The following DSCAML1 variants were observed in gnomAD, a reference collection of about 807,000 sequenced individuals.
The protein encoded by DSCAML1 is cell adhesion molecule DSCAML1.
Under a neutral mutation model 200.5 loss-of-function variants are expected in DSCAML1, and 38 were observed. That is an observed-to-expected ratio of 0.19 (90% CI 0.15 to 0.25). The LOEUF (loss-of-function observed/expected upper bound fraction) is 0.25. DSCAML1 is among the 10% of genes least tolerant of loss of function. DSCAML1 has a pLI of 1.00. For missense variants in DSCAML1, 2,223 were observed against 2,858.8 expected, an observed-to-expected ratio of 0.78 and a Z score of 5.07; for synonymous variants, 1,215 against 1,165.0, an observed-to-expected ratio of 1.04 and a Z score of -0.87.
At position 117,630,481 on chromosome 11, in the gene DSCAML1, TGAGG is replaced by T. The variant is rs2052147412; in HGVS notation, c.512-97963_512-97960del. ...AGCAGAGGGAGACAGCCCACCCTGC[TGAGG>T]GAGGACCTGGCGGGCCTGTCTCTCT... On this transcript the variant is annotated intron_variant, in intron 3 of 32. Transcript: ENST00000651296. 2.6e-5 allele frequency among the ~76,000 whole-genome samples: 4 copies of T among 151,934 alleles called. No homozygotes were observed. In the South Asian group the frequency reaches 8.3e-4, roughly 32 times the overall value.
intron 11 of DSCAML1, among the ~76,000 whole-genome samples, chr11:117,484,891 G>T (rs186929118): frequency 5.8e-4 from 9 of 15,526 alleles, no homozygotes; most frequent in Non-Finnish European, 9.8e-4. Context: ...GGAACAGTGT[G>T]TGTGTGTGTG....
chr11:117,665,168 G>T lies in DSCAML1; in HGVS notation c.511+111623C>A, dbSNP rs555068547. On this transcript the variant is annotated intron_variant, in intron 3 of 32. Transcript: ENST00000651296. ...CTCTGACCTATGGCTTTTCACAGTTGTGATGCCTTGTTCATGTGGGCCCAG... is the reference window on the plus strand; with the variant it reads ...CTCTGACCTATGGCTTTTCACAGTTTTGATGCCTTGTTCATGTGGGCCCAG... Among the ~76,000 whole-genome samples, 22 of 152,288 alleles carry T rather than the reference G, an allele frequency of 1.4e-4. No homozygotes were observed. In the South Asian group the frequency reaches 4.1e-3, roughly 29 times the overall value.
At chr11:117,506,932 T>C (rs2049511133) in intron 8 of DSCAML1, among the ~76,000 whole-genome samples, 1 of 152,124 alleles carries the variant, frequency 6.6e-6, no homozygotes, top group Non-Finnish European at 1.5e-5. Flanking sequence ...GGACAACCAG[T>C]TGGTTAGATG....
chr11:117,603,379 C>T (rs1017572629), intron 3 of DSCAML1, among the ~76,000 whole-genome samples: 6 of 152,144 alleles, frequency 3.9e-5, no homozygotes, highest in African/African-American at 9.7e-5. Context: ...CACATGGTGG[C>T]GAAGAGCTCT....
chr11:117,461,965 A>T (rs939315086), intron 17 of DSCAML1, among the ~76,000 whole-genome samples: 4 of 152,178 alleles, frequency 2.6e-5, no homozygotes, highest in Non-Finnish European at 4.4e-5. Context: ...TGAACATGAC[A>T]GACCTGGAAG....
intron 30 of DSCAML1, 69 bp downstream of exon 30, chr11:117,432,283 C>T (rs767537436): frequency 4.0e-6 from 6 of 1,488,822 alleles, no homozygotes; most frequent in Non-Finnish European, 5.4e-6. Context: ...AAAACACCAC[C>T]TCTGTGTCAT....
At chr11:117,471,734 A>G in intron 15 of DSCAML1, 135 bp downstream of exon 15, 1 of 798,988 alleles carries the variant, frequency 1.3e-6, no homozygotes. Flanking sequence ...GTGGACACAA[A>G]CATCTGTTAG....
At chr11:117,450,349 C>A (rs923183671) in intron 20 of DSCAML1, among the ~76,000 whole-genome samples, 200 bp downstream of exon 20, 1 of 152,230 alleles carries the variant, frequency 6.6e-6, no homozygotes. Flanking sequence ...CTTGTGGCCT[C>A]TGGAACAGAG....
chr11:117,780,183 A>G lies in DSCAML1; in HGVS notation c.364+310T>C, dbSNP rs879452493. On this transcript the variant is annotated intron_variant, in intron 2 of 32. Transcript: ENST00000651296. This position sits in a 1 kb window ranked among gnomAD's most constrained non-coding sequence, Gnocchi z 4.8. ...AGAAAGAAAGAAAGAAAAAAAGAAA[A>G]AAAGAAAGAAAGAAAGAGAAAGAAA... Among the ~76,000 whole-genome samples, 3,865 of 108,460 alleles carry G rather than the reference A, an allele frequency of 0.036. 247 individuals are homozygous for G. Among genetic ancestry groups the G allele is most frequent in the Non-Finnish European group, 0.042 (2,121 of 50,920 alleles). The allele number at this position is 108,460 out of a possible 152,430, so 71.2% of individuals were successfully genotyped here. A position where few individuals can be genotyped will look rare whatever the true frequency, so the allele number is the denominator to read the frequency against.
chr11:117,631,831 G>C (rs887131840), intron 3 of DSCAML1, among the ~76,000 whole-genome samples: 12 of 152,216 alleles, frequency 7.9e-5, no homozygotes, highest in African/African-American at 2.7e-4. Context: ...ACAGAGGCTG[G>C]TGACCTGGTG....
chr11:117,651,711 C>CAAAAAAAA (rs1193144259), intron 3 of DSCAML1, among the ~76,000 whole-genome samples: 1 of 31,068 alleles, frequency 3.2e-5, no homozygotes, highest in Non-Finnish European at 7.8e-5. Context: ...GACTCTGTCT[C>CAAAAAAAA]AAAAAAAAAA....
At chr11:117,539,606 CAA>C (rs35130897) in intron 3 of DSCAML1, among the ~76,000 whole-genome samples, 11,644 of 52,272 alleles carry the variant, frequency 0.22, 591 homozygotes, top group South Asian at 0.47. Context: ...AAAACTCTGT[CAA>C]AAAAAAAAAA....
chr11:117,639,504 G>T (rs2137590487), intron 3 of DSCAML1, among the ~76,000 whole-genome samples: 1 of 151,592 alleles, frequency 6.6e-6, no homozygotes, highest in East Asian at 1.9e-4. Flanking sequence ...GGCTGGATGG[G>T]TAGGAGGCTG....
At chr11:117,573,101 C>A (rs2050873859) in intron 3 of DSCAML1, among the ~76,000 whole-genome samples, 1 of 152,212 alleles carries the variant, frequency 6.6e-6, no homozygotes, top group African/African-American at 2.4e-5. Context: ...CTCAAGTTTA[C>A]ACTGCTTCTA....
At chr11:117,519,966 T>C (rs2049855676) in intron 6 of DSCAML1, among the ~76,000 whole-genome samples, 1 of 152,240 alleles carries the variant, frequency 6.6e-6, no homozygotes, top group Non-Finnish European at 1.5e-5. Context: ...GAGGATCCCA[T>C]ACCTGTGGGG....
intron 1 of DSCAML1, among the ~76,000 whole-genome samples, chr11:117,808,731 T>G (rs1336065124): frequency 6.6e-6 from 1 of 151,858 alleles, no homozygotes; most frequent in Non-Finnish European, 1.5e-5. Flanking sequence ...ACATACTTGA[T>G]AGTCAACAAA....
At position 117,430,952 on chromosome 11, in the gene DSCAML1, T is replaced by G. The variant is rs1565670044; in HGVS notation, c.5456A>C (p.Lys1819Thr). The G allele has an allele frequency of 6.2e-7, 1 of 1,614,202 alleles. No individual in the cohort carries two copies. Among genetic ancestry groups the G allele is most frequent in the Non-Finnish European group, 8.5e-7 (1 of 1,180,036 alleles). The change falls in exon 32 of 33, where the codon AAG (lysine) becomes ACG (threonine). Residue 1819 changes from lysine to threonine, a missense_variant. This residue lies in a region of DSCAML1 where 96 missense variants were observed against 160.7 expected (regional missense o/e 0.60). Transcript: ENST00000651296. ...GGCGTGCTGCAGCTGCTCCTCCAGC[T>G]TGGCATGCTCATAGGCCCGGGCCAG... ...EELARAYEHA[K>T]LEEQLQHAKF...
chr11:117,502,588 C>A (rs756177784), intron 11 of DSCAML1, among the ~76,000 whole-genome samples: 2 of 152,170 alleles, frequency 1.3e-5, no homozygotes, highest in African/African-American at 2.4e-5. Flanking sequence ...CTGAGCTGAA[C>A]GCGGGCTTTG....
At chr11:117,431,096 C>T (rs2047780640) in intron 31 of DSCAML1, 63 bp from the exon 32 acceptor site, 2 of 1,485,022 alleles carry the variant, frequency 1.3e-6, no homozygotes, top group Admixed American at 1.9e-5. Context: ...ACTGACTGAG[C>T]ACTTCCCCTG....
Sources: allele counts gnomAD v4.1 joint callset (sites outside exome capture counted in the v4.1 genomes callset), GRCh38; gene constraint gnomAD v4.1.1; regional missense constraint gnomAD v4.1.1; non-coding constraint Gnocchi (gnomAD v3.1); transcripts MANE v1.5; gene names NCBI Gene and HGNC (gene_info 2026-07-23, HGNC 2026-07-21).